PRICKLE4: variants seen among roughly 807,000 people sequenced by gnomAD.
PRICKLE4 encodes prickle planar cell polarity protein 4, also known as prickle-like protein 4.
A neutral mutation model predicts 43.5 loss-of-function variants in PRICKLE4; 40 were observed. The observed-to-expected ratio is 0.92, with a 90% CI of 0.71 to 1.20. PRICKLE4 has a LOEUF of 1.20. Among genes scored for constraint, PRICKLE4 ranks in the 50% most tolerant of loss-of-function variants. The probability of loss-of-function intolerance (pLI) is 0.00; values close to 1 mark genes in which losing one functional copy is unlikely to be tolerated. For synonymous variants in PRICKLE4, 208 were observed against 197.4 expected (o/e 1.05, Z -0.45); for missense variants, 527 against 491.2 (o/e 1.07, Z -0.69).
At chr6:41,785,126 T>C (rs1271894052) in intron 5 of PRICKLE4, 54 bp downstream of exon 5, 4 of 1,601,500 alleles carry the variant, frequency 2.5e-6, no homozygotes, top group African/African-American at 2.7e-5. Flanking sequence ...TGCCCTCTCA[T>C]TTCTGCAGAA....
chr6:41,784,304 G>A, intron 4 of PRICKLE4, 66 bp downstream of exon 4: 3 of 1,292,116 alleles, frequency 2.3e-6, no homozygotes, highest in Non-Finnish European at 3.2e-6. Context: ...CTTACTGTGG[G>A]AAGAACCTCA....
At position 41,787,350 on chromosome 6, in the gene PRICKLE4, C is replaced by A; in HGVS notation, c.*221C>A. On this transcript the variant is annotated 3_prime_UTR_variant, in exon 8 of 8. Transcript: ENST00000458694. The stretch of plus-strand genomic sequence containing the variant: ...GCAAAACCCATTCCCCAAAGCTACG[C>A]TTCCCCTGCTGAGATAGCCCCTACC... 1.4e-6 allele frequency: 1 copy of A among 703,250 alleles called. No individual in the cohort carries two copies. Among genetic ancestry groups the A allele is most frequent in the Non-Finnish European group, 2.3e-6 (1 of 440,984 alleles). The allele number at this position is 703,250 out of a possible 1,614,324, so 43.6% of individuals were successfully genotyped here. A position where few individuals can be genotyped will look rare whatever the true frequency, so the allele number is the denominator to read the frequency against.
intron 6 of PRICKLE4, 147 bp from the exon 7 acceptor site, chr6:41,785,981 T>C: frequency 5.5e-6 from 5 of 916,528 alleles, no homozygotes; most frequent in Non-Finnish European, 8.4e-6. Flanking sequence ...CAATCAGTCC[T>C]CCCTGCGTCC....
In PRICKLE4 at chr6:41,786,810, A is replaced by C; in HGVS notation, c.836A>C (p.Asn279Thr). ...GAAGGAAGGGACCAAACCTCGGTGA[A>C]CTCTGCAACCCTCTCCCGAACACTC... ...RTEGRDQTSV[N>T]SATLSRTLLA... Residue 279 changes from asparagine (N) to threonine (T), a missense_variant, in exon 8 of 8, where the codon AAC becomes ACC. Physicochemically the swap from Asn to Thr is moderately conservative, Grantham distance 65. Coordinates refer to ENST00000458694, the MANE Select transcript of PRICKLE4 (RefSeq NM_013397.6). The C allele has an allele frequency of 6.2e-7, 1 of 1,603,680 alleles. No individual in the cohort carries two copies. The highest frequency in any genetic ancestry group is 8.5e-7 in the Non-Finnish European group (1 of 1,176,584).
Position 41,787,359 on chromosome 6 carries a change from C to T in PRICKLE4, c.*230C>T, listed in dbSNP as rs1772684028. 6.0e-6 allele frequency: 4 copies of T among 671,510 alleles called. No homozygotes were observed. Among genetic ancestry groups the T allele is most frequent in the Non-Finnish European group, 9.7e-6 (4 of 412,168 alleles). The allele number at this position is 671,510 out of a possible 1,614,324, so 41.6% of individuals were successfully genotyped here. On this transcript the variant is annotated 3_prime_UTR_variant, in exon 8 of 8. Coordinates refer to ENST00000458694, the MANE Select transcript of PRICKLE4 (RefSeq NM_013397.6). ...ATTCCCCAAAGCTACGCTTCCCCTG[C>T]TGAGATAGCCCCTACCCCCACCTCC...
Position 41,786,965 on chromosome 6 carries a change from A to G in PRICKLE4, c.991A>G (p.Ile331Val). ...GCAGGAGCAATGCCGCCTGGAGACT[A>G]TTCGTGATCCCAAGGACACCCCTTT... ...KGQEQCRLETIRDPKDTPFST... is the reference protein window; with the variant it reads ...KGQEQCRLETVRDPKDTPFST... The change falls in exon 8 of 8, where the codon ATT becomes GTT. Residue 331 changes from isoleucine to valine, a missense_variant. Coordinates refer to ENST00000458694, the MANE Select transcript of PRICKLE4 (RefSeq NM_013397.6). The G allele has an allele frequency of 6.2e-7, 1 of 1,614,016 alleles. No individual in the cohort carries two copies. The highest frequency in any genetic ancestry group is 1.1e-5 in the South Asian group (1 of 91,078).
intron 6 of PRICKLE4, 69 bp from the exon 7 acceptor site, chr6:41,786,059 G>C (rs1377971764): frequency 6.7e-7 from 1 of 1,503,226 alleles, no homozygotes; most frequent in South Asian, 1.1e-5. Context: ...GGTAAAAGGC[G>C]TGGTTACTGG....
intron 2 of PRICKLE4, among the ~76,000 whole-genome samples, chr6:41,782,515 G>A (rs1033264781): frequency 6.6e-6 from 1 of 151,332 alleles, no homozygotes; most frequent in African/African-American, 2.4e-5. Flanking sequence ...TCAGCCTCCG[G>A]AGTAGCTGGG....
intron 7 of PRICKLE4, 108 bp from the exon 8 acceptor site, chr6:41,786,654 G>T (rs777161472): frequency 2.0e-6 from 3 of 1,509,660 alleles, no homozygotes; most frequent in Non-Finnish European, 2.6e-6. Context: ...CGGCGCGCAC[G>T]GCCCAGGGGC....
rs766422098 is a variant in PRICKLE4 at position 41,785,301 on chromosome 6, C to CT, written c.379-34dup. 3.7e-6 allele frequency: 6 copies of CT among 1,602,880 alleles called. No homozygotes were observed. In the East Asian group the frequency reaches 6.7e-5, roughly 18 times the overall value. ...AAGGAGGGAAGTTAGGATGGTAGTG[C>CT]TTACTCCGACCACCTCAGCACCTCC... On this transcript the variant is annotated intron_variant, in intron 5 of 7. Coordinates refer to ENST00000458694, the MANE Select transcript of PRICKLE4 (RefSeq NM_013397.6).
intron 2 of PRICKLE4, among the ~76,000 whole-genome samples, chr6:41,782,067 CTTT>C (rs557402339): frequency 1.6e-5 from 2 of 122,232 alleles, no homozygotes; most frequent in Non-Finnish European, 1.7e-5. Flanking sequence ...TTAATAGTCG[CTTT>C]TTTTTTTTTT....
rs199995549 is a variant in PRICKLE4 at position 41,784,238 on chromosome 6, T to C, written c.240T>C (p.Asp80=). ...LLQQLPPQDI[D]ERYCLALGEE... ...AGCAACTCCCTCCGCAGGACATTGA[T>C]GTGGGTCTCCTCTCCCCATCTTCCC... is the stretch of plus-strand genomic sequence containing the variant. Residue 80 remains aspartate, a splice_region_variant and synonymous_variant, in exon 4 of 8, where the codon GAT becomes GAC. Coordinates refer to ENST00000458694, the MANE Select transcript of PRICKLE4 (RefSeq NM_013397.6). 7.8e-5 allele frequency: 125 copies of C among 1,602,492 alleles called. No homozygotes were observed. The East Asian group carries it at 2.3e-3, about 30-fold the overall frequency.
chr6:41,786,899 C>A lies in PRICKLE4; in HGVS notation c.925C>A (p.Gln309Lys). ...QRGLPGSSPQ[Q>K]ENRPGDKAEA... Reference sequence around the variant, plus strand: ...GGGGCTGCCTGGATCCAGTCCCCAGCAGGAGAACCGACCTGGGGACAAAGC... The same window carrying A: ...GGGGCTGCCTGGATCCAGTCCCCAGAAGGAGAACCGACCTGGGGACAAAGC... The change falls in exon 8 of 8, where the codon CAG becomes AAG. Residue 309 changes from glutamine (Q) to lysine (K), a missense_variant. Transcript: ENST00000458694. 1 of 1,611,846 alleles carries A rather than the reference C, an allele frequency of 6.2e-7. No homozygotes were observed. The highest frequency in any genetic ancestry group is 8.5e-7 in the Non-Finnish European group (1 of 1,178,616).
At chr6:41,781,840 C>T (rs1324303412) in intron 2 of PRICKLE4, among the ~76,000 whole-genome samples, 3 of 152,160 alleles carry the variant, frequency 2.0e-5, no homozygotes, top group Non-Finnish European at 2.9e-5. Flanking sequence ...AAAGAGATTA[C>T]CTCATAAGAT....
In PRICKLE4 at chr6:41,785,020, A is replaced by AG. The variant is rs751283537; in HGVS notation, c.331dup (p.Val111GlyfsTer10). 31 of 1,613,408 alleles carry AG rather than the reference A, an allele frequency of 1.9e-5. No individual in the cohort carries two copies. In the Middle Eastern group the frequency reaches 2.0e-3, roughly 103 times the overall value. Reference sequence around the variant, plus strand: ...AGGCGGAAGCAGGAAGCCCTGGGACAGGGGGTAGCCCGCCTGGTACTTCCC... The same window carrying AG: ...AGGCGGAAGCAGGAAGCCCTGGGACAGGGGGGTAGCCCGCCTGGTACTTCCC... On this transcript the variant is annotated frameshift_variant, in exon 5 of 8. Coordinates refer to ENST00000458694, the MANE Select transcript of PRICKLE4 (RefSeq NM_013397.6). LOFTEE classifies it high-confidence loss of function.
intron 3 of PRICKLE4, chr6:41,783,829 C>A: frequency 1.3e-6 from 1 of 774,928 alleles, no homozygotes; most frequent in Non-Finnish European, 2.3e-6. Flanking sequence ...TCTGTATTGT[C>A]AAACCAGACT....
Position 41,785,087 on chromosome 6 carries a change from T to A in PRICKLE4, c.378+15T>A, listed in dbSNP as rs144794873. 268 of 1,612,464 alleles carry A rather than the reference T, an allele frequency of 1.7e-4. 3 individuals carry two copies. The East Asian group carries it at 5.9e-3, about 35-fold the overall frequency. The stretch of plus-strand genomic sequence containing the variant: ...CCTGTGAGAAGGTATGTAGCACCCC[T>A]CCCCCCAAATTCCCCTTCCTCTATT... On this transcript the variant is annotated intron_variant, in intron 5 of 7. Coordinates refer to ENST00000458694, the MANE Select transcript of PRICKLE4 (RefSeq NM_013397.6).
rs1464749213 is a variant in PRICKLE4 at position 41,787,108 on chromosome 6, G to A, written c.1134G>A (p.Lys378=). Residue 378 remains lysine, a synonymous_variant, in exon 8 of 8, where the codon AAG becomes AAA. Transcript: ENST00000458694. The part of the protein sequence containing the change: ...SLQAEDSNAS[K]THCTMC ...AAGCAGAGGACAGCAACGCCTCTAA[G>A]ACGCACTGCACCATGTGCTAGTGGC... is the stretch of plus-strand genomic sequence containing the variant. The A allele has an allele frequency of 4.4e-6, 7 of 1,608,652 alleles. No individual in the cohort carries two copies. In the South Asian group the frequency reaches 6.6e-5, roughly 15 times the overall value.
At position 41,786,667 on chromosome 6, in the gene PRICKLE4, G is replaced by A; in HGVS notation, c.788-95G>A. 4.4e-6 allele frequency: 7 copies of A among 1,581,232 alleles called. No homozygotes were observed. In the Admixed American group the frequency reaches 7.1e-5, roughly 16 times the overall value. ...GGCGGCGCGCACGGCCCAGGGGCTG[G>A]GCGGGGCGGGAGGCTGGGCCTCACC... On this transcript the variant is annotated intron_variant, in intron 7 of 7. Transcript: ENST00000458694.
Sources: allele counts gnomAD v4.1 joint callset (sites outside exome capture counted in the v4.1 genomes callset), GRCh38; gene constraint gnomAD v4.1.1; transcripts MANE v1.5; gene names NCBI Gene and HGNC (gene_info 2026-07-23, HGNC 2026-07-21).